Variants in CSMD2 observed in about 807,000 individuals in gnomAD.
The protein encoded by CSMD2 is CUB and Sushi multiple domains 2, also known as CUB and sushi domain-containing protein 2.
A neutral mutation model predicts 398.5 loss-of-function variants in CSMD2; 130 were observed. The observed-to-expected ratio is 0.33, with a 90% CI of 0.28 to 0.38. The LOEUF is 0.38. Among genes scored for constraint, CSMD2 ranks in the 10% least tolerant of loss-of-function variants. The pLI, the probability that CSMD2 is intolerant of heterozygous loss-of-function variation, is 1.00. For synonymous variants in CSMD2, 1,828 were observed against 1,908.5 expected (o/e 0.96, Z 1.10); for missense variants, 3,829 against 4,764.9 (o/e 0.80, Z 5.78).
intron 13 of CSMD2, among the ~76,000 whole-genome samples, chr1:33,744,995 C>G (rs1037842598): frequency 6.6e-6 from 1 of 152,014 alleles, no homozygotes; most frequent in Non-Finnish European, 1.5e-5. Flanking sequence ...AGCCACCTAG[C>G]CAAAGATGTT....
chr1:33,696,214 T>C (rs1010160398), intron 24 of CSMD2, among the ~76,000 whole-genome samples: 1 of 152,224 alleles, frequency 6.6e-6, no homozygotes, highest in Non-Finnish European at 1.5e-5. Flanking sequence ...AGGATGTTCA[T>C]TGCAGAGCTA....
intron 40 of CSMD2, 76 bp from the exon 41 acceptor site, chr1:33,611,326 C>T (rs1236469444): frequency 3.9e-6 from 5 of 1,289,956 alleles, no homozygotes; most frequent in Non-Finnish European, 5.5e-6. Context: ...ATGAAAGCAG[C>T]TCCTGCCAGA....
Position 33,567,809 on chromosome 1 carries a change from T to C in CSMD2, c.8164A>G (p.Lys2722Glu). 6.2e-7 allele frequency: 1 copy of C among 1,603,822 alleles called. No individual in the cohort carries two copies. The highest frequency in any genetic ancestry group is 8.5e-7 in the Non-Finnish European group (1 of 1,174,810). The change falls in exon 53 of 71, where the codon AAG (lysine) becomes GAG (glutamate). Residue 2722 changes from lysine (K) to glutamate (E), a missense_variant. Lys to Glu is a moderately conservative substitution (Grantham distance 56, BLOSUM62 1). Coordinates refer to ENST00000373381, the MANE Select transcript of CSMD2 (RefSeq NM_001281956.2). Reference sequence around the variant, plus strand: ...GAAGAGAGTACATCGAAGAGGAGCTTATAGAAAATGGAGTGGAGCTTGGTC... The same window carrying C: ...GAAGAGAGTACATCGAAGAGGAGCTCATAGAAAATGGAGTGGAGCTTGGTC... Reference protein sequence around the residue: ...TQTKLHSIFYKLLFDVLSSPS... With the variant: ...TQTKLHSIFYELLFDVLSSPS...
chr1:34,035,454 A>C (rs1650991930), intron 2 of CSMD2, among the ~76,000 whole-genome samples: 1 of 152,168 alleles, frequency 6.6e-6, no homozygotes. Flanking sequence ...CAAAAACCTT[A>C]ACAAAATATT....
chr1:33,610,408 G>A (rs1204197334), intron 41 of CSMD2, among the ~76,000 whole-genome samples: 4 of 152,160 alleles, frequency 2.6e-5, no homozygotes, highest in Non-Finnish European at 5.9e-5. Context: ...TGCACAGGTT[G>A]GGCACAATCT....
At chr1:34,069,424 C>G (rs770658484) in intron 2 of CSMD2, among the ~76,000 whole-genome samples, 1 of 152,092 alleles carries the variant, frequency 6.6e-6, no homozygotes, top group Non-Finnish European at 1.5e-5. Flanking sequence ...ACAGGCTAAC[C>G]GTGGGTGCTT....
intron 26 of CSMD2, among the ~76,000 whole-genome samples, chr1:33,661,925 C>T (rs1409800956): frequency 6.6e-6 from 1 of 152,086 alleles, no homozygotes; most frequent in African/African-American, 2.4e-5. Flanking sequence ...ACCATGGAAA[C>T]TCCCCCCCTC....
At chr1:33,675,234 A>G (rs1184252351) in intron 25 of CSMD2, among the ~76,000 whole-genome samples, 2 of 152,170 alleles carry the variant, frequency 1.3e-5, no homozygotes, top group Non-Finnish European at 2.9e-5. Context: ...AGAAGAAAAG[A>G]GAGAAGAATC....
chr1:33,559,206 G>T lies in CSMD2; in HGVS notation c.8554+94C>A. ...TCTTCCCTATCTGGATCAGAATGAT[G>T]CCAGAATGAATTCACTGGCTTCTTT... On this transcript the variant is annotated intron_variant, in intron 54 of 70. Coordinates refer to ENST00000373381, the MANE Select transcript of CSMD2 (RefSeq NM_001281956.2). The surrounding 1 kb of genome is among the most constrained non-coding windows in gnomAD (Gnocchi z 4.0). The T allele has an allele frequency of 8.6e-7, 1 of 1,166,208 alleles. No homozygotes were observed. Among genetic ancestry groups the T allele is most frequent in the Non-Finnish European group, 1.2e-6 (1 of 832,436 alleles). 72.2% of individuals were successfully genotyped at this position (1,166,208 alleles called of 1,614,324 possible).
chr1:33,672,197 G>T (rs1036374069), intron 25 of CSMD2, among the ~76,000 whole-genome samples: 4 of 152,200 alleles, frequency 2.6e-5, no homozygotes, highest in African/African-American at 9.6e-5. Flanking sequence ...AAGCACAAGG[G>T]GTCAGGAAAT....
At chr1:33,571,198 G>C (rs1399869267) in intron 51 of CSMD2, among the ~76,000 whole-genome samples, 1 of 152,150 alleles carries the variant, frequency 6.6e-6, no homozygotes, top group African/African-American at 2.4e-5. Context: ...TAAAGTCCTT[G>C]TGGGCAGGAA....
At chr1:33,975,691 T>C (rs910896832) in intron 3 of CSMD2, among the ~76,000 whole-genome samples, 99 of 152,026 alleles carry the variant, frequency 6.5e-4, no homozygotes, top group Non-Finnish European at 2.4e-4. Flanking sequence ...GGGCCTCCCC[T>C]CTGTAGCAGG....
rs183485633 is a variant in CSMD2 at position 33,788,483 on chromosome 1, G to A, written c.1663+117C>T. On this transcript the variant is annotated intron_variant, in intron 12 of 70. Transcript: ENST00000373381. ...AGATCGTGCCACGGCACTCCAGCCT[G>A]GGCAACAGAGTGAGACTCCGTCTCA... 3.9e-3 allele frequency: 2,447 copies of A among 629,062 alleles called. 79 individuals carry two copies. In the Admixed American group the frequency reaches 0.055, roughly 14 times the overall value. The allele number at this position is 629,062 out of a possible 1,614,324, so 39.0% of individuals were successfully genotyped here.
At chr1:34,112,663 T>C (rs1661210186) in intron 1 of CSMD2, among the ~76,000 whole-genome samples, 1 of 152,210 alleles carries the variant, frequency 6.6e-6, no homozygotes, top group Non-Finnish European at 1.5e-5. Context: ...GTTGAATGAA[T>C]GAATGAATGT....
At chr1:33,736,637 C>T (rs1646896472) in intron 15 of CSMD2, among the ~76,000 whole-genome samples, 1 of 152,178 alleles carries the variant, frequency 6.6e-6, no homozygotes, top group African/African-American at 2.4e-5. Context: ...GAGGATTGTG[C>T]AGTTACTAAT....
At chr1:33,826,126 C>T (rs879382306) in intron 6 of CSMD2, among the ~76,000 whole-genome samples, 4 of 152,182 alleles carry the variant, frequency 2.6e-5, no homozygotes, top group Admixed American at 6.5e-5. Flanking sequence ...TGAGCGTCGA[C>T]GTGTGCAGCC....
intron 1 of CSMD2, among the ~76,000 whole-genome samples, chr1:34,134,603 T>C (rs1638522521): frequency 6.6e-6 from 1 of 152,126 alleles, no homozygotes; most frequent in African/African-American, 2.4e-5. Context: ...AATCTCTCTA[T>C]GCAAAAAATA....
chr1:33,772,202 T>C, intron 13 of CSMD2: 1 of 178,068 alleles, frequency 5.6e-6, no homozygotes, highest in Non-Finnish European at 1.2e-5. Flanking sequence ...TGACAGTCCC[T>C]TCCACCCTGC....
intron 48 of CSMD2, 135 bp from the exon 49 acceptor site, chr1:33,577,619 A>G: frequency 1.4e-6 from 1 of 713,048 alleles, no homozygotes; most frequent in East Asian, 3.0e-5. Flanking sequence ...GCTGTTGAGG[A>G]AAGTCTGAAT....
Sources: allele counts gnomAD v4.1 joint callset (sites outside exome capture counted in the v4.1 genomes callset), GRCh38; gene constraint gnomAD v4.1.1; non-coding constraint Gnocchi (gnomAD v3.1); transcripts MANE v1.5; gene names NCBI Gene and HGNC (gene_info 2026-07-23, HGNC 2026-07-21).